Variants in FBXL17 observed in about 807,000 individuals in gnomAD.
FBXL17 encodes F-box/LRR-repeat protein 17.
Under a neutral mutation model 66.2 loss-of-function variants are expected in FBXL17, and 22 were observed. The ratio of observed to expected loss-of-function variants is 0.33; its 90% CI spans 0.24 to 0.47. The LOEUF is 0.47. Among genes scored for constraint, FBXL17 ranks in the 20% least tolerant of loss-of-function variants. The pLI is 1.00. For synonymous variants in FBXL17, 474 were observed against 400.5 expected (o/e 1.18, Z -2.19); for missense variants, 878 against 948.2 (o/e 0.93, Z 0.97).
intron 6 of FBXL17, among the ~76,000 whole-genome samples, chr5:108,144,895 T>A (rs1000458315): frequency 1.3e-5 from 2 of 152,162 alleles, no homozygotes; most frequent in Non-Finnish European, 2.9e-5. Context: ...TTCAAGTAAT[T>A]TAGTTAGACT....
chr5:107,915,909 G>A (rs1334958859), intron 7 of FBXL17, among the ~76,000 whole-genome samples: 3 of 152,184 alleles, frequency 2.0e-5, no homozygotes, highest in Non-Finnish European at 2.9e-5. Context: ...AAGGATGCAT[G>A]TTGCCGCATC....
intron 4 of FBXL17, among the ~76,000 whole-genome samples, chr5:108,317,327 G>GT (rs576756999): frequency 1.4e-5 from 2 of 147,872 alleles, no homozygotes; most frequent in South Asian, 2.1e-4. Flanking sequence ...TTTGTTTTTT[G>GT]TTTTTTGTTT....
At chr5:107,932,127 T>C (rs1750757055) in intron 7 of FBXL17, among the ~76,000 whole-genome samples, 3 of 152,206 alleles carry the variant, frequency 2.0e-5, no homozygotes, top group South Asian at 4.1e-4. Flanking sequence ...CTCTCCTTCT[T>C]AGAAGAAGGA....
chr5:108,089,218 C>T (rs1025386759), intron 6 of FBXL17, among the ~76,000 whole-genome samples: 4 of 152,162 alleles, frequency 2.6e-5, no homozygotes, highest in South Asian at 2.1e-4. Context: ...ACTGGTCTTG[C>T]GAGCCAGTTA....
At chr5:108,072,647 A>G (rs1462690870) in intron 6 of FBXL17, among the ~76,000 whole-genome samples, 1 of 152,130 alleles carries the variant, frequency 6.6e-6, no homozygotes, top group African/African-American at 2.4e-5. Context: ...GGCGGAGCTT[A>G]CAGTGAGCCG....
intron 7 of FBXL17, among the ~76,000 whole-genome samples, chr5:107,940,245 TC>T (rs1751047357): frequency 1.9e-5 from 1 of 52,488 alleles, no homozygotes; most frequent in East Asian, 1.2e-3. Context: ...TAAATTTTAT[TC>T]ATTCATTCAT....
chr5:108,195,312 A>T (rs1393317826), intron 5 of FBXL17, among the ~76,000 whole-genome samples: 1 of 152,168 alleles, frequency 6.6e-6, no homozygotes, highest in Admixed American at 6.6e-5. Context: ...TGAAAAGATG[A>T]TATTTGCGCA....
intron 7 of FBXL17, among the ~76,000 whole-genome samples, chr5:107,987,867 T>C (rs372723013): frequency 6.6e-6 from 1 of 151,952 alleles, no homozygotes; most frequent in Admixed American, 6.6e-5. Context: ...ATATAATTCT[T>C]TGGCCATGTT....
intron 6 of FBXL17, among the ~76,000 whole-genome samples, chr5:108,120,378 G>C (rs1013370751): frequency 6.6e-6 from 1 of 151,990 alleles, no homozygotes; most frequent in Non-Finnish European, 1.5e-5. Context: ...ATATTTCATA[G>C]AAAACAATAA....
chr5:108,085,319 C>G (rs563389317), intron 6 of FBXL17, among the ~76,000 whole-genome samples: 5 of 152,182 alleles, frequency 3.3e-5, no homozygotes, highest in Admixed American at 6.5e-5. Context: ...TGATTATTAT[C>G]TGACAACAAC....
intron 4 of FBXL17, among the ~76,000 whole-genome samples, chr5:108,288,673 C>T (rs894822624): frequency 1.3e-5 from 2 of 151,780 alleles, no homozygotes; most frequent in Non-Finnish European, 2.9e-5. Flanking sequence ...AGTAGAAAGG[C>T]ATTATGTAAT....
chr5:108,172,584 G>C (rs1223313011), intron 6 of FBXL17, among the ~76,000 whole-genome samples: 1 of 152,140 alleles, frequency 6.6e-6, no homozygotes, highest in African/African-American at 2.4e-5. Flanking sequence ...GTACTAGCTT[G>C]CATTTTCCCC....
At chr5:108,207,658 C>A (rs1211306099) in intron 5 of FBXL17, among the ~76,000 whole-genome samples, 1 of 152,078 alleles carries the variant, frequency 6.6e-6, no homozygotes, top group African/African-American at 2.4e-5. Flanking sequence ...ATGAACTCAT[C>A]TTTTTATGGC....
In FBXL17 at chr5:108,230,542, C is replaced by T. The variant is rs148426115; in HGVS notation, c.1507-6314G>A. ...CTATGAGGATGCAAAGGCATAAGAACGATACAATGGACTTTGGAGACTCAG... is the reference window on the plus strand; with the variant it reads ...CTATGAGGATGCAAAGGCATAAGAATGATACAATGGACTTTGGAGACTCAG... On this transcript the variant is annotated intron_variant, in intron 4 of 8. Coordinates refer to ENST00000542267, the MANE Select transcript of FBXL17 (RefSeq NM_001163315.3). Among the ~76,000 whole-genome samples, 422 of 151,978 alleles carry T rather than the reference C, an allele frequency of 2.8e-3. 4 individuals carry two copies. Among genetic ancestry groups the T allele is most frequent in the African/African-American group, 9.6e-3 (400 of 41,454 alleles).
intron 7 of FBXL17, among the ~76,000 whole-genome samples, chr5:107,892,670 A>C (rs1325559473): frequency 2.0e-5 from 3 of 152,146 alleles, no homozygotes; most frequent in African/African-American, 7.2e-5. Context: ...AATCATGTAA[A>C]ATTATGTGGA....
rs1039383591 is a variant in FBXL17 at position 108,213,501 on chromosome 5, C to T, written c.1614+10620G>A. ...AAGCGCAGTATCTGTGCTGGAGTTC[C>T]TCAGGCTCAGACTCTCATGGCTTCC... On this transcript the variant is annotated intron_variant, in intron 5 of 8. Coordinates refer to ENST00000542267, the MANE Select transcript of FBXL17 (RefSeq NM_001163315.3). Among the ~76,000 whole-genome samples the T allele has an allele frequency of 3.3e-5, 5 of 152,298 alleles. No homozygotes were observed. In the East Asian group the frequency reaches 7.8e-4, roughly 24 times the overall value.
At chr5:108,135,763 G>C (rs759417161) in intron 6 of FBXL17, among the ~76,000 whole-genome samples, 2 of 152,130 alleles carry the variant, frequency 1.3e-5, no homozygotes, top group Non-Finnish European at 2.9e-5. Flanking sequence ...AGAAGGATAA[G>C]ATGGTTATTT....
intron 6 of FBXL17, among the ~76,000 whole-genome samples, chr5:108,082,481 C>T (rs909433941): frequency 2.0e-5 from 3 of 152,164 alleles, no homozygotes; most frequent in African/African-American, 7.2e-5. Flanking sequence ...CATTGTTATT[C>T]TAAAAATTTC....
intron 6 of FBXL17, among the ~76,000 whole-genome samples, chr5:108,111,254 A>C (rs190034078): frequency 0.018 from 2,651 of 148,808 alleles, 26 homozygotes; most frequent in Middle Eastern, 0.031. Context: ...AAGAAAAAGA[A>C]GAAAGAGGGA....
Sources: allele counts gnomAD v4.1 joint callset (sites outside exome capture counted in the v4.1 genomes callset), GRCh38; gene constraint gnomAD v4.1.1; transcripts MANE v1.5; gene names NCBI Gene and HGNC (gene_info 2026-07-23, HGNC 2026-07-21).